The following ATP11A variants were observed in gnomAD, a reference collection of about 807,000 sequenced individuals.
The protein encoded by ATP11A is ATPase phospholipid transporting 11A.
Under a neutral mutation model 154.4 loss-of-function variants are expected in ATP11A, and 81 were observed. The ratio of observed to expected loss-of-function variants is 0.52; its 90% CI spans 0.44 to 0.63. The LOEUF is 0.63. ATP11A is among the 30% of genes least tolerant of loss of function. The pLI, the probability that ATP11A is intolerant of heterozygous loss-of-function variation, is 0.00. For missense variants in ATP11A, 1,316 were observed against 1,474.3 expected (o/e 0.89, Z 1.76); for synonymous variants, 623 against 585.9 (o/e 1.06, Z -0.91).
intron 1 of ATP11A, among the ~76,000 whole-genome samples, chr13:112,695,172 C>T (rs1885654801): frequency 6.6e-6 from 1 of 152,204 alleles, no homozygotes; most frequent in African/African-American, 2.4e-5. Flanking sequence ...CTGCTGGAGT[C>T]TACACCACAG....
chr13:112,810,838 A>G, intron 5 of ATP11A, 112 bp downstream of exon 5: 1 of 894,116 alleles, frequency 1.1e-6, no homozygotes, highest in South Asian at 1.5e-5. Flanking sequence ...CAGGAGGCTG[A>G]GGCAGGAGGA....
In ATP11A at chr13:112,851,282, C is replaced by T. The variant is rs1009302442; in HGVS notation, c.1991+64C>T. On this transcript the variant is annotated intron_variant, in intron 18 of 29. Coordinates refer to ENST00000375645, the MANE Select transcript of ATP11A (RefSeq NM_015205.3). ...TGGGATGCAGGCCGACGGCCCAGGG[C>T]GTGTGAGGGCGAGTGGACGGGAGGG... 25 of 1,530,854 alleles carry T rather than the reference C, an allele frequency of 1.6e-5. No homozygotes were observed. The Middle Eastern group carries it at 5.2e-4, about 32-fold the overall frequency. The allele number at this position is 1,530,854 out of a possible 1,614,324, so 94.8% of individuals were successfully genotyped here.
chr13:112,881,661 C>G (rs1594270832), intron 29 of ATP11A: 1 of 1,209,000 alleles, frequency 8.3e-7, no homozygotes, highest in East Asian at 5.7e-5. Context: ...TGGATCCCGC[C>G]CGGCCTGCCC....
chr13:112,752,507 G>A (rs1276657997), intron 1 of ATP11A, among the ~76,000 whole-genome samples: 2 of 152,168 alleles, frequency 1.3e-5, no homozygotes, highest in East Asian at 3.9e-4. Flanking sequence ...GGGCTGTGAG[G>A]GACGGGGGCT....
chr13:112,691,978 C>G (rs1885251932), intron 1 of ATP11A, among the ~76,000 whole-genome samples: 1 of 152,100 alleles, frequency 6.6e-6, no homozygotes, highest in South Asian at 2.1e-4. Flanking sequence ...CTCCAGGAGC[C>G]TTGTGTTACT....
In ATP11A at chr13:112,801,444, C is replaced by T. The variant is rs550166438; in HGVS notation, c.163-3513C>T. ...ATTGTACTGGAAATCCTAGCTAATACAGTAAGAGTAGAAATGGGAATAAAA... is the reference window on the plus strand; with the variant it reads ...ATTGTACTGGAAATCCTAGCTAATATAGTAAGAGTAGAAATGGGAATAAAA... On this transcript the variant is annotated intron_variant, in intron 2 of 29. Transcript: ENST00000375645. Among the ~76,000 whole-genome samples, 144 of 152,180 alleles carry T rather than the reference C, an allele frequency of 9.5e-4. 1 individual carries two copies. The highest frequency in any genetic ancestry group is 3.3e-3 in the African/African-American group (139 of 41,494).
At chr13:112,850,057 G>A (rs2079719554) in intron 17 of ATP11A, among the ~76,000 whole-genome samples, 1 of 152,214 alleles carries the variant, frequency 6.6e-6, no homozygotes, top group East Asian at 1.9e-4. Flanking sequence ...GAGAGCTCAA[G>A]GGCCATGACA....
intron 1 of ATP11A, among the ~76,000 whole-genome samples, chr13:112,702,362 AGAAACCACTGT>A (rs1230424718): frequency 3.3e-5 from 5 of 150,696 alleles, no homozygotes; most frequent in Admixed American, 3.3e-4. Flanking sequence ...AAAAAAAAAA[AGAAACCACTGT>A]AAGTACAGAC....
At chr13:112,809,141 G>C (rs1471608836) in intron 4 of ATP11A, among the ~76,000 whole-genome samples, 1 of 152,086 alleles carries the variant, frequency 6.6e-6, no homozygotes, top group Non-Finnish European at 1.5e-5. Context: ...CATGCAGTTG[G>C]TGCTAAATAA....
intron 1 of ATP11A, among the ~76,000 whole-genome samples, chr13:112,764,845 A>C (rs2077037208): frequency 6.6e-6 from 1 of 152,162 alleles, no homozygotes; most frequent in Admixed American, 6.5e-5. Flanking sequence ...TGTTTATCCC[A>C]GAAGATCAGT....
chr13:112,825,106 T>C (rs1337625495), intron 10 of ATP11A, among the ~76,000 whole-genome samples: 1 of 152,174 alleles, frequency 6.6e-6, no homozygotes, highest in East Asian at 1.9e-4. Flanking sequence ...ATGGTAGAAA[T>C]TGATTTCTGG....
chr13:112,740,126 TTCTC>T (rs71208910), intron 1 of ATP11A, among the ~76,000 whole-genome samples: 76 of 142,390 alleles, frequency 5.3e-4, no homozygotes, highest in East Asian at 1.2e-3. Context: ...AGCATGTGAA[TTCTC>T]TCTCTCTCTC....
intron 1 of ATP11A, among the ~76,000 whole-genome samples, chr13:112,780,742 CGATGCAGTTT>C (rs1165261129): frequency 1.3e-5 from 2 of 152,092 alleles, no homozygotes; most frequent in Non-Finnish European, 2.9e-5. Flanking sequence ...GTGGCTTTCT[CGATGCAGTTT>C]GGACAATGGG....
chr13:112,828,865 C>T (rs1282739331), intron 12 of ATP11A, among the ~76,000 whole-genome samples: 1 of 152,218 alleles, frequency 6.6e-6, no homozygotes, highest in Non-Finnish European at 1.5e-5. Flanking sequence ...CCTGTGCCCA[C>T]TGTCGCTGTG....
chr13:112,862,118 G>C (rs756146530), intron 24 of ATP11A, among the ~76,000 whole-genome samples: 14 of 152,338 alleles, frequency 9.2e-5, no homozygotes, highest in Admixed American at 5.2e-4. Flanking sequence ...CTCGGTGAAC[G>C]TCAGGGGTGT....
chr13:112,693,248 G>A (rs1885397754), intron 1 of ATP11A, among the ~76,000 whole-genome samples: 3 of 152,290 alleles, frequency 2.0e-5, no homozygotes, highest in East Asian at 3.9e-4. Flanking sequence ...ATTTGTAAAT[G>A]GTGCCGTGTT....
intron 1 of ATP11A, among the ~76,000 whole-genome samples, chr13:112,702,026 C>T (rs1387918107): frequency 1.3e-5 from 2 of 151,962 alleles, no homozygotes; most frequent in Admixed American, 6.6e-5. Flanking sequence ...AGCAGTTCCT[C>T]CTCTTGTCAC....
At chr13:112,823,087 G>A (rs2078841745) in intron 8 of ATP11A, among the ~76,000 whole-genome samples, 1 of 152,210 alleles carries the variant, frequency 6.6e-6, no homozygotes, top group Non-Finnish European at 1.5e-5. Context: ...TGGGGCCTGA[G>A]GTCCCGCATG....
Position 112,787,871 on chromosome 13 carries a change from A to G in ATP11A, c.162+2614A>G, listed in dbSNP as rs149667175. On this transcript the variant is annotated intron_variant, in intron 2 of 29. Coordinates refer to ENST00000375645, the MANE Select transcript of ATP11A (RefSeq NM_015205.3). ...TGTCCTGATGTATAGACCCTTGTGG[A>G]GACCTACTTAATTCACACCAGTGTC... 1.2e-3 allele frequency among the ~76,000 whole-genome samples: 180 copies of G among 148,700 alleles called. 1 individual carries two copies. In the East Asian group the frequency reaches 0.012, roughly 10 times the overall value.
Sources: allele counts gnomAD v4.1 joint callset (sites outside exome capture counted in the v4.1 genomes callset), GRCh38; gene constraint gnomAD v4.1.1; transcripts MANE v1.5; gene names NCBI Gene and HGNC (gene_info 2026-07-23, HGNC 2026-07-21).